SH3TC2: variants seen among roughly 807,000 people sequenced by gnomAD.
The protein encoded by SH3TC2 is SH3 domain and tetratricopeptide repeats 2.
In SH3TC2, 87 loss-of-function variants were observed where a neutral mutation model predicts 124.5. The observed-to-expected ratio is 0.70, with a 90% CI of 0.59 to 0.84. SH3TC2 has a LOEUF of 0.84. Ranked by LOEUF, SH3TC2 falls within the 40% of genes least tolerant of loss-of-function variation. The pLI is 0.00. For synonymous variants in SH3TC2, 634 were observed against 628.5 expected, an observed-to-expected ratio of 1.01 and a Z score of -0.13; for missense variants, 1,536 against 1,566.4, an observed-to-expected ratio of 0.98 and a Z score of 0.33.
At position 149,047,907 on chromosome 5, in the gene SH3TC2, G is replaced by C; in HGVS notation, c.234C>G (p.Leu78=). The part of the protein sequence containing the change: ...GPLQEAARRR[L]WALENEDQEV... ...CCTGGTCCTCATTCTCCAGTGCCCA[G>C]AGCCGCCTCCGAGCAGCTTCCTGTA... The change falls in exon 3 of 17, where the codon CTC becomes CTG. Residue 78 remains leucine (L), a synonymous_variant. Coordinates refer to ENST00000515425, the MANE Select transcript of SH3TC2 (RefSeq NM_024577.4). 6.2e-7 allele frequency: 1 copy of C among 1,614,144 alleles called. No individual in the cohort carries two copies. The highest frequency in any genetic ancestry group is 8.5e-7 in the Non-Finnish European group (1 of 1,180,034).
rs2127397177 is a variant in SH3TC2 at position 149,027,364 on chromosome 5, G to A, written c.2368C>T (p.Leu790=). The A allele has an allele frequency of 1.2e-6, 2 of 1,614,048 alleles. No individual in the cohort carries two copies. The highest frequency in any genetic ancestry group is 1.7e-6 in the Non-Finnish European group (2 of 1,179,984). ...LSQALVLGQL[L]GEQESFESSL... ...GACTCAAAGGATTCCTGCTCACCCA[G>A]CAGCTGCCCTAGCACCAAGGCCTGG... The change falls in exon 11 of 17, where the codon CTG becomes TTG. Residue 790 remains leucine, a synonymous_variant. Coordinates refer to ENST00000515425, the MANE Select transcript of SH3TC2 (RefSeq NM_024577.4).
intron 1 of SH3TC2, among the ~76,000 whole-genome samples, chr5:149,053,868 T>C (rs1476986036): frequency 6.6e-6 from 1 of 151,516 alleles, no homozygotes; most frequent in East Asian, 1.9e-4. Context: ...AGATAAAGAG[T>C]AGAATGATGG....
In SH3TC2 at chr5:148,994,200, G is replaced by T. The variant is rs1753465886; in HGVS notation, c.*10511C>A. ...ATACTTGCAATATAGATAAGGCTTG[G>T]ACTGGTGTCCTGAAGCTGCCACTCT... On this transcript the variant is annotated 3_prime_UTR_variant, in exon 17 of 17. Coordinates refer to ENST00000515425, the MANE Select transcript of SH3TC2 (RefSeq NM_024577.4). Among the ~76,000 whole-genome samples the T allele has an allele frequency of 6.6e-6, 1 of 152,168 alleles. No homozygotes were observed.
At position 149,038,290 on chromosome 5, in the gene SH3TC2, C is replaced by A. The variant is rs1754315788; in HGVS notation, c.1001+5G>T. On this transcript the variant is annotated splice_donor_5th_base_variant and intron_variant, in intron 8 of 16. Transcript: ENST00000515425. ...CTCCAGGACATGCTCACTGTCAATACTCACATTGGGGAATAAGAATCAGGA... is the reference window on the plus strand; with the variant it reads ...CTCCAGGACATGCTCACTGTCAATAATCACATTGGGGAATAAGAATCAGGA... 6.2e-7 allele frequency: 1 copy of A among 1,613,612 alleles called. No individual in the cohort carries two copies. Among genetic ancestry groups the A allele is most frequent in the Non-Finnish European group, 8.5e-7 (1 of 1,179,528 alleles).
At chr5:149,055,872 A>G (rs944320349) in intron 1 of SH3TC2, among the ~76,000 whole-genome samples, 5 of 152,288 alleles carry the variant, frequency 3.3e-5, no homozygotes, top group African/African-American at 1.2e-4. Context: ...GTTTCAGCCC[A>G]GGAGTTCAAG....
At chr5:149,035,055 T>A (rs1754260000) in intron 8 of SH3TC2, among the ~76,000 whole-genome samples, 1 of 152,120 alleles carries the variant, frequency 6.6e-6, no homozygotes. Context: ...GAAGAAGAAG[T>A]GGACAACTTG....
intron 2 of SH3TC2, among the ~76,000 whole-genome samples, chr5:149,051,883 C>T (rs572217022): frequency 4.7e-4 from 72 of 152,302 alleles, no homozygotes; most frequent in African/African-American, 1.6e-3. Flanking sequence ...TTATGATATA[C>T]TTTCTTCAAC....
At chr5:149,045,846 C>G (rs1416715848) in intron 3 of SH3TC2, 3 of 218,208 alleles carry the variant, frequency 1.4e-5, no homozygotes, top group Non-Finnish European at 9.5e-6. Flanking sequence ...GGGGTTTCAC[C>G]ATGTTGGCCA....
rs1160090024 is a variant in SH3TC2 at position 148,986,938 on chromosome 5, A to T, written c.*17773T>A. Among the ~76,000 whole-genome samples the T allele has an allele frequency of 6.6e-6, 1 of 152,236 alleles. No individual in the cohort carries two copies. Among genetic ancestry groups the T allele is most frequent in the African/African-American group, 2.4e-5 (1 of 41,460 alleles). ...TGAGGTCATATCAAGAATTCCAAGG[A>T]GAGGCAGAGTTTTCAAAGACTCCAG... On this transcript the variant is annotated 3_prime_UTR_variant, in exon 17 of 17. Transcript: ENST00000515425.
intron 2 of SH3TC2, among the ~76,000 whole-genome samples, chr5:149,050,088 T>C (rs940015737): frequency 1.1e-4 from 17 of 152,118 alleles, no homozygotes; most frequent in African/African-American, 4.1e-4. Flanking sequence ...GGTGTGAATC[T>C]CCTTACCATG....
In SH3TC2 at chr5:149,008,774, C is replaced by A. The variant is rs1488182710; in HGVS notation, c.3478+77G>T. 3 of 1,590,014 alleles carry A rather than the reference C, an allele frequency of 1.9e-6. No individual in the cohort carries two copies. In the East Asian group the frequency reaches 6.7e-5, roughly 36 times the overall value. On this transcript the variant is annotated intron_variant, in intron 15 of 16. Transcript: ENST00000515425. ...CCACACAGTCTGACTCCAGGGCCTG[C>A]GGTGTTATTGCTTTGCTGTCTATCC...
chr5:149,044,576 C>G lies in SH3TC2; in HGVS notation c.342G>C (p.Lys114Asn). 1.9e-6 allele frequency: 3 copies of G among 1,613,994 alleles called. No homozygotes were observed. Among genetic ancestry groups the G allele is most frequent in the Non-Finnish European group, 2.5e-6 (3 of 1,179,962 alleles). The change falls in exon 4 of 17, where the codon AAG becomes AAC. Residue 114 changes from lysine (K) to asparagine (N), a missense_variant. Physicochemically the swap from Lys to Asn is moderately conservative, Grantham distance 94. This residue lies in a region of SH3TC2 where 1,102 missense variants were observed against 1,098.6 expected (regional missense o/e 1.00). Coordinates refer to ENST00000515425, the MANE Select transcript of SH3TC2 (RefSeq NM_024577.4). ...SQRAQFLITFKTMEEIWKFST... is the reference protein window; with the variant it reads ...SQRAQFLITFNTMEEIWKFST... ...AGAACTTCCAGATTTCCTCCATGGT[C>G]TTGAAGGTGATGAGAAACTGGGCCC...
chr5:149,003,641 T>C lies in SH3TC2; in HGVS notation c.*1070A>G, dbSNP rs1753632373. 3.2e-6 allele frequency: 1 copy of C among 310,702 alleles called. No individual in the cohort carries two copies. The highest frequency in any genetic ancestry group is 2.6e-5 in the South Asian group (1 of 38,052). The allele number at this position is 310,702 out of a possible 1,614,324, so 19.2% of individuals were successfully genotyped here. A position where few individuals can be genotyped will look rare whatever the true frequency, so the allele number is the denominator to read the frequency against. ...GTGTTTTAGGCCACTCAGTGTGCTA[T>C]GCAGTGATGTTATTAATAGAGATGC... On this transcript the variant is annotated 3_prime_UTR_variant, in exon 17 of 17. Transcript: ENST00000515425.
In SH3TC2 at chr5:149,031,706, CA is replaced by C. The variant is rs1268548516; in HGVS notation, c.1002-20del. On this transcript the variant is annotated intron_variant, in intron 8 of 16. Transcript: ENST00000515425. ...CCTGCTCCTGCATCGGGGCAAAAAA[CA>C]CAGAGACAGATTACTGCAAGGCTTC... is the stretch of plus-strand genomic sequence containing the variant. The C allele has an allele frequency of 6.2e-7, 1 of 1,613,578 alleles. No homozygotes were observed. The highest frequency in any genetic ancestry group is 8.5e-7 in the Non-Finnish European group (1 of 1,180,000).
rs1753397490 is a variant in SH3TC2, at chr5:148,990,070, T to G, written c.*14641A>C. Among the ~76,000 whole-genome samples, 1 of 152,090 alleles carries G rather than the reference T, an allele frequency of 6.6e-6. No individual in the cohort carries two copies. Among genetic ancestry groups the G allele is most frequent in the South Asian group, 2.1e-4 (1 of 4,822 alleles). Reference sequence around the variant, plus strand: ...ATAGCTCCCTTAAGCCAGTTTTCCCTGCTTTCTCTCATGGGTGAACCATCC... The same window carrying G: ...ATAGCTCCCTTAAGCCAGTTTTCCCGGCTTTCTCTCATGGGTGAACCATCC... On this transcript the variant is annotated 3_prime_UTR_variant, in exon 17 of 17. Coordinates refer to ENST00000515425, the MANE Select transcript of SH3TC2 (RefSeq NM_024577.4).
At chr5:149,061,991 A>C (rs1754759226) in intron 1 of SH3TC2, among the ~76,000 whole-genome samples, 1 of 152,114 alleles carries the variant, frequency 6.6e-6, no homozygotes, top group Non-Finnish European at 1.5e-5. Context: ...TTTTGGGTTC[A>C]CTTTAATGAC....
intron 1 of SH3TC2, among the ~76,000 whole-genome samples, chr5:149,055,586 G>A (rs1458934663): frequency 6.6e-6 from 1 of 152,114 alleles, no homozygotes; most frequent in Non-Finnish European, 1.5e-5. Context: ...TACTGCAAGT[G>A]TGAAGATAAA....
intron 8 of SH3TC2, chr5:149,034,430 G>C (rs924737861): frequency 5.5e-6 from 2 of 364,964 alleles, no homozygotes; most frequent in African/African-American, 2.2e-5. Context: ...AAAAGAACGA[G>C]AGAGAGGCAA....
chr5:149,030,037 C>T (rs868279928), intron 9 of SH3TC2, among the ~76,000 whole-genome samples: 4 of 152,130 alleles, frequency 2.6e-5, no homozygotes, highest in Non-Finnish European at 4.4e-5. Flanking sequence ...GATCTGTAAC[C>T]CCCAGAGGGT....
Sources: allele counts gnomAD v4.1 joint callset (sites outside exome capture counted in the v4.1 genomes callset), GRCh38; gene constraint gnomAD v4.1.1; regional missense constraint gnomAD v4.1.1; transcripts MANE v1.5; gene names NCBI Gene and HGNC (gene_info 2026-07-23, HGNC 2026-07-21).